ZNF148: variants seen among roughly 807,000 people sequenced by gnomAD.
ZNF148 encodes zinc finger protein 148.
ZNF148 carries 7 observed loss-of-function variants against 67.7 expected under a neutral mutation model. The ratio of observed to expected loss-of-function variants is 0.10; its 90% CI spans 0.06 to 0.19. The LOEUF (loss-of-function observed/expected upper bound fraction) is 0.19. Ranked by LOEUF, ZNF148 falls within the 10% of genes least tolerant of loss-of-function variation. The pLI is 1.00. For missense variants in ZNF148, 583 were observed against 947.1 expected (o/e 0.62, Z 5.05); for synonymous variants, 333 against 330.7 (o/e 1.01, Z -0.08).
At chr3:125,301,522 A>T (rs1028736043) in intron 4 of ZNF148, among the ~76,000 whole-genome samples, 20 of 152,350 alleles carry the variant, frequency 1.3e-4, no homozygotes, top group African/African-American at 4.6e-4. Flanking sequence ...AACTTAAATA[A>T]TTTTAAAACA....
At chr3:125,345,206 T>C (rs1941895280) in intron 1 of ZNF148, among the ~76,000 whole-genome samples, 1 of 152,158 alleles carries the variant, frequency 6.6e-6, no homozygotes, top group South Asian at 2.1e-4. Context: ...CAGTGTATTT[T>C]CTAACCAGTA....
chr3:125,373,376 C>T lies in ZNF148; in HGVS notation c.-234+1726G>A, dbSNP rs558303060. ...AAAGTGCTGGGATTACAGGTGTGAG[C>T]CACCGCGCCCAGCTGTATATAGTTT... On this transcript the variant is annotated intron_variant, in intron 1 of 8. Transcript: ENST00000360647. 1.1e-4 allele frequency among the ~76,000 whole-genome samples: 16 copies of T among 151,854 alleles called. 2 individuals carry two copies. In the South Asian group the frequency reaches 3.3e-3, roughly 32 times the overall value.
At chr3:125,264,016 C>G (rs1937462092) in intron 7 of ZNF148, among the ~76,000 whole-genome samples, 1 of 152,206 alleles carries the variant, frequency 6.6e-6, no homozygotes, top group African/African-American at 2.4e-5. Context: ...GTTCTGAGAG[C>G]TTCTGGGTTG....
At chr3:125,315,433 G>T (rs1390485527) in intron 3 of ZNF148, among the ~76,000 whole-genome samples, 7 of 151,992 alleles carry the variant, frequency 4.6e-5, no homozygotes, top group African/African-American at 7.3e-5. Flanking sequence ...CATTGGCCGG[G>T]TGCAGTGGCT....
intron 1 of ZNF148, among the ~76,000 whole-genome samples, chr3:125,355,533 G>GT (rs1007967163): frequency 6.6e-6 from 1 of 152,156 alleles, no homozygotes; most frequent in African/African-American, 2.4e-5. Flanking sequence ...GAAGAAGACT[G>GT]TTTTTGTTTT....
intron 7 of ZNF148, among the ~76,000 whole-genome samples, chr3:125,256,775 C>T (rs75068694): frequency 0.011 from 1,609 of 152,266 alleles, 27 homozygotes; most frequent in African/African-American, 0.036. Context: ...ATGTACTACC[C>T]TTGAGAGAAG....
At chr3:125,350,498 A>G (rs1165510287) in intron 1 of ZNF148, among the ~76,000 whole-genome samples, 1 of 152,198 alleles carries the variant, frequency 6.6e-6, no homozygotes, top group Non-Finnish European at 1.5e-5. Context: ...ACTCATGTTA[A>G]CTACAGCAGT....
At chr3:125,293,033 T>C (rs1939097803) in intron 4 of ZNF148, among the ~76,000 whole-genome samples, 1 of 152,230 alleles carries the variant, frequency 6.6e-6, no homozygotes, top group African/African-American at 2.4e-5. Context: ...ACAGTTATTT[T>C]TTATTTACAA....
intron 2 of ZNF148, among the ~76,000 whole-genome samples, chr3:125,330,842 C>A (rs1941259497): frequency 6.6e-6 from 1 of 151,824 alleles, no homozygotes; most frequent in Admixed American, 6.6e-5. Flanking sequence ...CATAGGCCAA[C>A]AAGAAAGGAG....
chr3:125,316,533 G>A (rs1481820359), intron 3 of ZNF148, among the ~76,000 whole-genome samples: 1 of 152,106 alleles, frequency 6.6e-6, no homozygotes, highest in Non-Finnish European at 1.5e-5. Flanking sequence ...TTGGATATAA[G>A]CCATTTTAAC....
At chr3:125,347,583 T>C (rs1209293228) in intron 1 of ZNF148, among the ~76,000 whole-genome samples, 2 of 136,372 alleles carry the variant, frequency 1.5e-5, no homozygotes, top group Non-Finnish European at 3.2e-5. Context: ...TTTTTTTTTT[T>C]CTGAGACAGG....
At position 125,321,450 on chromosome 3, in the gene ZNF148, T is replaced by C. The variant is rs181589353; in HGVS notation, c.-17+1859A>G. The stretch of plus-strand genomic sequence containing the variant: ...CCACAGAAAAATAATTTATAAATAT[T>C]TGAATAAGTCAAAGTTAACAGGCAT... On this transcript the variant is annotated intron_variant, in intron 3 of 8. Transcript: ENST00000360647. Among the ~76,000 whole-genome samples, 34 of 152,210 alleles carry C rather than the reference T, an allele frequency of 2.2e-4. 1 individual carries two copies. The highest frequency in any genetic ancestry group is 7.9e-4 in the African/African-American group (33 of 41,532).
intron 7 of ZNF148, among the ~76,000 whole-genome samples, chr3:125,252,194 T>C (rs2107549619): frequency 6.6e-6 from 1 of 152,320 alleles, no homozygotes; most frequent in South Asian, 2.1e-4. Context: ...GTTTTTCACC[T>C]TCTTGATGGT....
intron 7 of ZNF148, among the ~76,000 whole-genome samples, chr3:125,253,006 A>C (rs1936911718): frequency 6.6e-6 from 1 of 151,986 alleles, no homozygotes; most frequent in Non-Finnish European, 1.5e-5. Flanking sequence ...TCAGTTTGAA[A>C]GCTCTCCCCT....
At chr3:125,312,171 T>C (rs1016737296) in intron 4 of ZNF148, among the ~76,000 whole-genome samples, 1 of 152,134 alleles carries the variant, frequency 6.6e-6, no homozygotes, top group African/African-American at 2.4e-5. Context: ...TGAACACAAA[T>C]GTAAAAATCC....
intron 7 of ZNF148, among the ~76,000 whole-genome samples, chr3:125,240,232 G>A (rs571512878): frequency 5.9e-5 from 9 of 152,202 alleles, no homozygotes; most frequent in East Asian, 5.8e-4. Flanking sequence ...AGCGCCTCAC[G>A]TCTGTCATCT....
At chr3:125,292,872 A>T (rs1394659539) in intron 4 of ZNF148, 1 of 152,224 alleles carries the variant, frequency 6.6e-6, no homozygotes, top group Non-Finnish European at 1.5e-5. Context: ...GGCATTTTAC[A>T]GAGGCTAATT....
chr3:125,275,159 A>G (rs775708187), intron 7 of ZNF148, among the ~76,000 whole-genome samples: 2 of 152,234 alleles, frequency 1.3e-5, no homozygotes, highest in Non-Finnish European at 2.9e-5. Context: ...CTATCCCCTT[A>G]TATCAGTTCC....
intron 1 of ZNF148, among the ~76,000 whole-genome samples, chr3:125,346,984 T>C (rs1428364669): frequency 6.6e-6 from 1 of 152,110 alleles, no homozygotes; most frequent in Non-Finnish European, 1.5e-5. Flanking sequence ...CTAAAGCTAC[T>C]AGAATAAACA....
Sources: gnomAD v4.1 joint callset for allele counts (sites outside exome capture counted in the v4.1 genomes callset) on GRCh38, gnomAD v4.1.1 for gene constraint, MANE v1.5 for transcripts, NCBI Gene and HGNC (gene_info 2026-07-23, HGNC 2026-07-21) for gene names.